SLCO2B1: variants seen among roughly 807,000 people sequenced by gnomAD.
The protein encoded by SLCO2B1 is solute carrier organic anion transporter family member 2B1.
Under a neutral mutation model 67.3 loss-of-function variants are expected in SLCO2B1, and 41 were observed. The observed-to-expected ratio is 0.61, with a 90% CI of 0.47 to 0.79. The LOEUF is 0.79. Ranked by LOEUF, SLCO2B1 falls within the 30% of genes least tolerant of loss-of-function variation. SLCO2B1 has a pLI of 0.00. For missense variants in SLCO2B1, 837 were observed against 920.1 expected, an observed-to-expected ratio of 0.91 and a Z score of 1.17; for synonymous variants, 379 against 381.4, an observed-to-expected ratio of 0.99 and a Z score of 0.07.
At position 75,205,670 on chromosome 11, in the gene SLCO2B1, T is replaced by C. The variant is rs1349622000; in HGVS notation, c.*1090T>C. On this transcript the variant is annotated 3_prime_UTR_variant, in exon 14 of 14. Transcript: ENST00000289575. ...GCTGGTGTCAGGCCCAGGACTGTAG[T>C]GCTGGGAGCAGTAAAGCTCAGCTCT... 3.9e-5 allele frequency: 6 copies of C among 152,286 alleles called. No homozygotes were observed. The highest frequency in any genetic ancestry group is 2.0e-4 in the Admixed American group (3 of 15,288). 9.4% of individuals were successfully genotyped at this position (152,286 alleles called of 1,614,324 possible).
At position 75,156,905 on chromosome 11, in the gene SLCO2B1, A is replaced by G. The variant is rs530161256; in HGVS notation, c.16+5508A>G. 3.9e-4 allele frequency among the ~76,000 whole-genome samples: 59 copies of G among 152,302 alleles called. 1 individual carries two copies. The highest frequency in any genetic ancestry group is 1.4e-3 in the African/African-American group (59 of 41,568). On this transcript the variant is annotated intron_variant, in intron 1 of 13. Coordinates refer to ENST00000289575, the MANE Select transcript of SLCO2B1 (RefSeq NM_007256.5). ...GTAGCAGTGAGGACAACCAGAGGGC[A>G]TTCTCATCGCCATCTTGGCATTGGT...
At position 75,174,571 on chromosome 11, in the gene SLCO2B1, A is replaced by G. The variant is rs564700593; in HGVS notation, c.972+2002A>G. 3.9e-5 allele frequency among the ~76,000 whole-genome samples: 6 copies of G among 152,346 alleles called. No homozygotes were observed. The South Asian group carries it at 1.2e-3, about 32-fold the overall frequency. ...TGCTGGGATTGGGTGCAGCTGTCTC[A>G]GAGGCAGGGGGAAGCAGCTGCCAGG... On this transcript the variant is annotated intron_variant, in intron 7 of 13. Transcript: ENST00000289575.
At chr11:75,186,421 C>T (rs1276086236) in intron 7 of SLCO2B1, among the ~76,000 whole-genome samples, 1 of 152,078 alleles carries the variant, frequency 6.6e-6, no homozygotes, top group African/African-American at 2.4e-5. Flanking sequence ...GTTGGCCAGG[C>T]TGGTCTTGAA....
intron 8 of SLCO2B1, among the ~76,000 whole-genome samples, chr11:75,189,162 T>C (rs1197377076): frequency 6.6e-6 from 1 of 152,118 alleles, no homozygotes; most frequent in Admixed American, 6.5e-5. Flanking sequence ...GTAACCAGAG[T>C]ACACATTATG....
intron 7 of SLCO2B1, among the ~76,000 whole-genome samples, chr11:75,177,282 A>G (rs978425521): frequency 6.6e-6 from 1 of 152,208 alleles, no homozygotes; most frequent in African/African-American, 2.4e-5. Context: ...AGTTGGGAAA[A>G]GGGTTCTGTT....
intron 4 of SLCO2B1, 67 bp from the exon 5 acceptor site, chr11:75,169,106 T>TC (rs74885054): frequency 0.13 from 172,685 of 1,294,828 alleles, 15,665 homozygotes; most frequent in Admixed American, 0.37. Flanking sequence ...AACAGTACCT[T>TC]CCCCCGGGGT....
At chr11:75,198,830 G>A (rs746678028) in intron 10 of SLCO2B1, among the ~76,000 whole-genome samples, 30 of 152,216 alleles carry the variant, frequency 2.0e-4, no homozygotes, top group Admixed American at 3.3e-4. Flanking sequence ...GGTAAGGTGG[G>A]GCAGGTGGGC....
At chr11:75,195,129 A>G (rs1161446694) in intron 9 of SLCO2B1, among the ~76,000 whole-genome samples, 1 of 152,216 alleles carries the variant, frequency 6.6e-6, no homozygotes, top group Non-Finnish European at 1.5e-5. Flanking sequence ...AGAGAGGTGA[A>G]GTCACCCCAC....
At chr11:75,189,550 T>C (rs779771538) in intron 8 of SLCO2B1, among the ~76,000 whole-genome samples, 21 of 152,214 alleles carry the variant, frequency 1.4e-4, no homozygotes, top group Non-Finnish European at 2.8e-4. Flanking sequence ...TTGAGCTGCC[T>C]GTGGTTTAGG....
At chr11:75,163,926 A>C (rs779596468) in intron 2 of SLCO2B1, 37 bp from the exon 3 acceptor site, 4 of 1,569,936 alleles carry the variant, frequency 2.5e-6, no homozygotes, top group Non-Finnish European at 8.6e-7. Context: ...CTCCCCCTGC[A>C]CCGCCCACCT....
chr11:75,198,944 G>GA (rs1945142655), intron 10 of SLCO2B1, among the ~76,000 whole-genome samples: 2 of 152,202 alleles, frequency 1.3e-5, no homozygotes, highest in African/African-American at 4.8e-5. Context: ...GGAATTAGAT[G>GA]AATGTGAAGG....
At chr11:75,196,159 A>C (rs11823030) in intron 9 of SLCO2B1, 21,748 of 197,634 alleles carry the variant, frequency 0.11, 2,765 homozygotes, top group African/African-American at 0.33. Flanking sequence ...TGAGAAATGA[A>C]GCAATCATTG....
intron 1 of SLCO2B1, among the ~76,000 whole-genome samples, chr11:75,160,231 G>A (rs959457957): frequency 6.6e-6 from 1 of 152,206 alleles, no homozygotes; most frequent in Non-Finnish European, 1.5e-5. Flanking sequence ...GCTAGGTTTG[G>A]GTGGGCCAAG....
In SLCO2B1 at chr11:75,204,472, G is replaced by A; in HGVS notation, c.2022G>A (p.Arg674=). Residue 674 remains arginine (R), a synonymous_variant, in exon 14 of 14, where the codon AGG becomes AGA. Coordinates refer to ENST00000289575, the MANE Select transcript of SLCO2B1 (RefSeq NM_007256.5). ...ICFALVLAVL[R]QQDKEARTKE... ...TCGCCTTAGTTTTGGCTGTCCTGAG[G>A]CAGCAGGACAAAGAGGCAAGGACCA... 1.2e-6 allele frequency: 2 copies of A among 1,613,504 alleles called. No homozygotes were observed. The highest frequency in any genetic ancestry group is 4.5e-5 in the East Asian group (2 of 44,878).
At chr11:75,202,478 C>T (rs117145490) in intron 11 of SLCO2B1, 3,977 of 205,212 alleles carry the variant, frequency 0.019, 61 homozygotes, top group Non-Finnish European at 0.03. Flanking sequence ...CCGTAGTAAG[C>T]GCTCCATAAA....
chr11:75,166,967 G>C (rs1180265288), intron 4 of SLCO2B1, among the ~76,000 whole-genome samples: 1 of 152,244 alleles, frequency 6.6e-6, no homozygotes, highest in African/African-American at 2.4e-5. Context: ...GGATAGGGGA[G>C]AGAAGATGAA....
chr11:75,184,204 C>T (rs1261600825), intron 7 of SLCO2B1, among the ~76,000 whole-genome samples: 4 of 152,182 alleles, frequency 2.6e-5, no homozygotes, highest in African/African-American at 9.7e-5. Context: ...TTGCGCTCCT[C>T]TTGCAATTGA....
intron 8 of SLCO2B1, among the ~76,000 whole-genome samples, chr11:75,189,519 A>T (rs998158338): frequency 1.7e-4 from 26 of 152,310 alleles, no homozygotes; most frequent in African/African-American, 6.0e-4. Context: ...CGTTATTCTG[A>T]CCATGCCCTA....
intron 1 of SLCO2B1, among the ~76,000 whole-genome samples, chr11:75,155,408 C>T (rs757613216): frequency 3.9e-5 from 6 of 152,154 alleles, no homozygotes; most frequent in Non-Finnish European, 7.3e-5. Context: ...ACCCACAGAC[C>T]CCGTGCTCCA....
Sources: gnomAD v4.1 joint callset for allele counts (sites outside exome capture counted in the v4.1 genomes callset) on GRCh38, gnomAD v4.1.1 for gene constraint, MANE v1.5 for transcripts, NCBI Gene and HGNC (gene_info 2026-07-23, HGNC 2026-07-21) for gene names.